Variants in OPCML observed in about 807,000 individuals in gnomAD.
OPCML encodes opioid-binding protein/cell adhesion molecule.
OPCML carries 13 observed loss-of-function variants against 37.8 expected under a neutral mutation model. The observed-to-expected ratio is 0.34, with a 90% CI of 0.22 to 0.55. The LOEUF is 0.55. OPCML is among the 20% of genes least tolerant of loss of function. OPCML has a pLI of 0.91. For missense variants in OPCML, 341 were observed against 435.6 expected, an observed-to-expected ratio of 0.78 and a Z score of 1.93; for synonymous variants, 176 against 168.8, an observed-to-expected ratio of 1.04 and a Z score of -0.33.
chr11:132,440,808 T>C (rs1337933143), intron 4 of OPCML, among the ~76,000 whole-genome samples: 2 of 152,224 alleles, frequency 1.3e-5, no homozygotes, highest in Non-Finnish European at 2.9e-5. Context: ...CTACTTTGAA[T>C]GCTGGGTGAA....
intron 4 of OPCML, among the ~76,000 whole-genome samples, chr11:132,511,862 G>T (rs1382013882): frequency 6.6e-6 from 1 of 151,946 alleles, no homozygotes; most frequent in Non-Finnish European, 1.5e-5. Context: ...TGATAAATTG[G>T]ACTTCATCCA....
At chr11:133,004,419 G>A in intron 1 of OPCML, 1 of 985,442 alleles carries the variant, frequency 1.0e-6, no homozygotes, top group Non-Finnish European at 1.2e-6. Context: ...TCTGGCAATT[G>A]ACAGCCAAGT....
chr11:133,030,680 A>T lies in OPCML; in HGVS notation c.62-87670T>A, dbSNP rs148455744. Among the ~76,000 whole-genome samples, 883 of 152,334 alleles carry T rather than the reference A, an allele frequency of 5.8e-3. 6 individuals carry two copies. The highest frequency in any genetic ancestry group is 0.02 in the African/African-American group (834 of 41,574). ...TACCTAGAATTAATATGCTAGCTAGAATATTCATTAAATATTTAATTAATA... is the reference window on the plus strand; with the variant it reads ...TACCTAGAATTAATATGCTAGCTAGTATATTCATTAAATATTTAATTAATA... On this transcript the variant is annotated intron_variant, in intron 1 of 7. Transcript: ENST00000524381.
At chr11:133,492,494 T>C (rs1402634914) in intron 1 of OPCML, among the ~76,000 whole-genome samples, 1 of 151,846 alleles carries the variant, frequency 6.6e-6, no homozygotes, top group Admixed American at 6.6e-5. Flanking sequence ...AAATCATGGG[T>C]AAAAAGGCTG....
At chr11:132,545,959 A>G (rs1253252207) in intron 3 of OPCML, among the ~76,000 whole-genome samples, 4 of 152,234 alleles carry the variant, frequency 2.6e-5, no homozygotes, top group African/African-American at 7.2e-5. Flanking sequence ...ATCTGTCTGT[A>G]TTTTGATGAT....
At position 132,968,505 on chromosome 11, in the gene OPCML, G is replaced by A. The variant is rs73586446; in HGVS notation, c.62-25495C>T. Among the ~76,000 whole-genome samples, 908 of 152,008 alleles carry A rather than the reference G, an allele frequency of 6.0e-3. 11 individuals are homozygous for A. Among genetic ancestry groups the A allele is most frequent in the African/African-American group, 0.021 (865 of 41,470 alleles). ...TTTTTTTGTCTTTTTTCTTCCTCTT[G>A]TTATAAAGCTACCAGTACCACCCCT... On this transcript the variant is annotated intron_variant, in intron 1 of 7. Coordinates refer to ENST00000524381, the MANE Select transcript of OPCML (RefSeq NM_001012393.5).
At chr11:132,835,246 C>A (rs1340203094) in intron 2 of OPCML, among the ~76,000 whole-genome samples, 1 of 152,204 alleles carries the variant, frequency 6.6e-6, no homozygotes, top group African/African-American at 2.4e-5. Flanking sequence ...TGGGCACATC[C>A]ACTCAGGAGA....
intron 2 of OPCML, among the ~76,000 whole-genome samples, chr11:132,799,227 T>C (rs1229760434): frequency 6.6e-6 from 1 of 152,200 alleles, no homozygotes; most frequent in Non-Finnish European, 1.5e-5. Context: ...AAATCTCTTG[T>C]TGAGTGCAGC....
intron 2 of OPCML, among the ~76,000 whole-genome samples, chr11:132,828,432 T>C (rs932485542): frequency 1.3e-5 from 2 of 152,130 alleles, no homozygotes; most frequent in Non-Finnish European, 2.9e-5. Context: ...TTATTGACTG[T>C]AACAAATGAA....
intron 1 of OPCML, among the ~76,000 whole-genome samples, chr11:133,042,336 C>T (rs565501929): frequency 6.6e-6 from 1 of 152,168 alleles, no homozygotes. Context: ...CAAATAAACA[C>T]GCTGCCCTCA....
intron 1 of OPCML, among the ~76,000 whole-genome samples, chr11:133,344,341 C>T (rs1363963673): frequency 6.6e-6 from 1 of 152,208 alleles, no homozygotes; most frequent in East Asian, 1.9e-4. Flanking sequence ...GCATTACCTA[C>T]TGCTATAGTC....
At position 132,417,413 on chromosome 11, in the gene OPCML, T is replaced by G. The variant is rs2095942416; in HGVS notation, c.*2780A>C. On this transcript the variant is annotated 3_prime_UTR_variant, in exon 8 of 8. Transcript: ENST00000524381. ...CTTTGTTGTCTTTACCCCAGACAGA[T>G]GAGGATCAACTGTAGCATTTCTCTC... 6.6e-6 allele frequency: 1 copy of G among 152,200 alleles called. No individual in the cohort carries two copies. The highest frequency in any genetic ancestry group is 2.4e-5 in the African/African-American group (1 of 41,458). 9.4% of individuals were successfully genotyped at this position (152,200 alleles called of 1,614,324 possible).
rs532317990 is a variant in OPCML, at chr11:132,741,115, C to T, written c.147-83796G>A. ...TCATAACTGATACTACCTAAGGAAG[C>T]CTCTGCTATTTGAAACCCAGTATAT... On this transcript the variant is annotated intron_variant, in intron 2 of 7. Transcript: ENST00000524381. Among the ~76,000 whole-genome samples, 11 of 152,258 alleles carry T rather than the reference C, an allele frequency of 7.2e-5. No individual in the cohort carries two copies. In the South Asian group the frequency reaches 1.9e-3, roughly 26 times the overall value.
intron 1 of OPCML, among the ~76,000 whole-genome samples, chr11:133,253,915 T>C (rs1408008256): frequency 7.2e-6 from 1 of 139,796 alleles, no homozygotes. Context: ...CTCCCTTCCT[T>C]CTTTCCTTCC....
intron 1 of OPCML, among the ~76,000 whole-genome samples, chr11:133,336,957 A>T (rs2136661182): frequency 6.6e-6 from 1 of 152,366 alleles, no homozygotes; most frequent in African/African-American, 2.4e-5. Context: ...ACCAGTGAGA[A>T]GCATCCAATT....
At chr11:133,230,273 G>C (rs1353688023) in intron 1 of OPCML, among the ~76,000 whole-genome samples, 1 of 152,192 alleles carries the variant, frequency 6.6e-6, no homozygotes, top group African/African-American at 2.4e-5. Flanking sequence ...GTGTCATGAA[G>C]CGTGGTGATG....
At chr11:132,557,475 T>A in intron 3 of OPCML, among the ~76,000 whole-genome samples, 1 of 152,212 alleles carries the variant, frequency 6.6e-6, no homozygotes, top group East Asian at 1.9e-4. Flanking sequence ...GAAAATGGGA[T>A]GCTTGAGGAT....
intron 1 of OPCML, among the ~76,000 whole-genome samples, chr11:133,335,518 T>A (rs1592212206): frequency 6.6e-6 from 1 of 152,058 alleles, no homozygotes; most frequent in South Asian, 2.1e-4. Context: ...GCAAACTCGG[T>A]GGGCTATGAT....
chr11:132,750,409 A>G (rs1945791391), intron 2 of OPCML, among the ~76,000 whole-genome samples: 1 of 152,226 alleles, frequency 6.6e-6, no homozygotes, highest in Non-Finnish European at 1.5e-5. Context: ...AACAGGATCC[A>G]GAGCACAGGT....
Sources: allele counts gnomAD v4.1 joint callset (sites outside exome capture counted in the v4.1 genomes callset), GRCh38; gene constraint gnomAD v4.1.1; transcripts MANE v1.5; gene names NCBI Gene and HGNC (gene_info 2026-07-23, HGNC 2026-07-21).